STXBP5L: variants seen among roughly 807,000 people sequenced by gnomAD.
The protein encoded by STXBP5L is syntaxin binding protein 5L.
In STXBP5L, 65 loss-of-function variants were observed where a neutral mutation model predicts 144.5. That is an observed-to-expected ratio of 0.45 (90% confidence interval 0.37 to 0.55). The LOEUF is 0.55. Ranked by LOEUF, STXBP5L falls within the 20% of genes least tolerant of loss-of-function variation. STXBP5L has a pLI of 0.00. For synonymous variants in STXBP5L, 505 were observed against 469.6 expected (o/e 1.08, Z -0.97); for missense variants, 1,298 against 1,405.5 (o/e 0.92, Z 1.22).
intron 3 of STXBP5L, among the ~76,000 whole-genome samples, chr3:121,004,251 G>T (rs531196900): frequency 1.3e-5 from 2 of 151,712 alleles, no homozygotes; most frequent in African/African-American, 4.8e-5. Flanking sequence ...AGCTCTCCTT[G>T]AAGAGGTCCT....
chr3:120,976,212 C>G (rs1052320684), intron 3 of STXBP5L, among the ~76,000 whole-genome samples: 2 of 152,180 alleles, frequency 1.3e-5, no homozygotes, highest in African/African-American at 4.8e-5. Flanking sequence ...ATTATTGCCA[C>G]AGTTTCAGAG....
At chr3:121,269,421 G>C (rs1366369316) in intron 18 of STXBP5L, among the ~76,000 whole-genome samples, 2 of 151,840 alleles carry the variant, frequency 1.3e-5, no homozygotes, top group Non-Finnish European at 2.9e-5. Flanking sequence ...ATATGTGTGT[G>C]TGTGTATATA....
chr3:120,963,443 G>A (rs1048684089), intron 3 of STXBP5L, among the ~76,000 whole-genome samples: 1 of 152,092 alleles, frequency 6.6e-6, no homozygotes, highest in African/African-American at 2.4e-5. Flanking sequence ...TGAGATATGT[G>A]CCATCAATAC....
rs527562574 is a variant in STXBP5L at position 121,034,522 on chromosome 3, C to CATCT, written c.288-7158_288-7155dup. On this transcript the variant is annotated intron_variant, in intron 3 of 26. Coordinates refer to ENST00000471454, the MANE Select transcript of STXBP5L (RefSeq NM_001308330.2). Reference sequence around the variant, plus strand: ...TCTCTCTATATAGCTGTACCTATATCATCTATCTATCTATCTATCTATCAT... The same window carrying CATCT: ...TCTCTCTATATAGCTGTACCTATATCATCTATCTATCTATCTATCTATCTATCAT... 1.2e-3 allele frequency among the ~76,000 whole-genome samples: 186 copies of CATCT among 151,626 alleles called. 1 individual carries two copies. Among genetic ancestry groups the CATCT allele is most frequent in the South Asian group, 2.5e-3 (12 of 4,810 alleles).
At chr3:121,378,675 T>A in intron 20 of STXBP5L, 41 bp from the exon 21 acceptor site, 1 of 1,594,636 alleles carries the variant, frequency 6.3e-7, no homozygotes, top group Non-Finnish European at 8.5e-7. Context: ...GTATTAAGAG[T>A]TAATCATTAT....
intron 19 of STXBP5L, among the ~76,000 whole-genome samples, chr3:121,301,529 C>T (rs2051906765): frequency 6.6e-6 from 1 of 152,068 alleles, no homozygotes; most frequent in African/African-American, 2.4e-5. Flanking sequence ...TAATTGAATG[C>T]CCTTTATTTC....
chr3:121,061,250 A>C (rs1223822855), intron 5 of STXBP5L, among the ~76,000 whole-genome samples: 2 of 152,152 alleles, frequency 1.3e-5, no homozygotes, highest in African/African-American at 4.8e-5. Context: ...ACTCAGGAGC[A>C]TGTTGTTCAG....
At chr3:121,202,958 A>C (rs73191431) in intron 9 of STXBP5L, among the ~76,000 whole-genome samples, 21,817 of 151,872 alleles carry the variant, frequency 0.14, 1,754 homozygotes, top group Non-Finnish European at 0.19. Context: ...TATTTTAAAA[A>C]ATGTTTGTAT....
chr3:121,315,857 C>T (rs1262952555), intron 19 of STXBP5L, among the ~76,000 whole-genome samples: 2 of 151,976 alleles, frequency 1.3e-5, no homozygotes, highest in Non-Finnish European at 2.9e-5. Flanking sequence ...TAAAAATTAG[C>T]TGGGCTTGGT....
intron 19 of STXBP5L, among the ~76,000 whole-genome samples, chr3:121,285,924 G>A (rs558896022): frequency 1.8e-4 from 27 of 152,166 alleles, no homozygotes; most frequent in Admixed American, 6.5e-4. Flanking sequence ...ACACCACAGA[G>A]AGGTTAAATA....
intron 3 of STXBP5L, among the ~76,000 whole-genome samples, chr3:120,973,384 T>C (rs1940508709): frequency 6.6e-6 from 1 of 150,908 alleles, no homozygotes; most frequent in South Asian, 2.1e-4. Context: ...TCTCTGGTGA[T>C]TTTTTTTTGC....
At chr3:121,013,399 A>T (rs777682083) in intron 3 of STXBP5L, among the ~76,000 whole-genome samples, 10 of 152,076 alleles carry the variant, frequency 6.6e-5, no homozygotes, top group Non-Finnish European at 1.0e-4. Flanking sequence ...GACTGGTGTG[A>T]GATGGTATCA....
chr3:121,344,736 G>T (rs1374310732), intron 20 of STXBP5L, among the ~76,000 whole-genome samples: 3 of 151,766 alleles, frequency 2.0e-5, no homozygotes, highest in African/African-American at 7.3e-5. Context: ...AATTGGTGGT[G>T]AATTTAGAGC....
intron 10 of STXBP5L, among the ~76,000 whole-genome samples, chr3:121,210,940 T>C (rs1447735595): frequency 6.6e-6 from 1 of 152,190 alleles, no homozygotes; most frequent in Non-Finnish European, 1.5e-5. Flanking sequence ...ATATGAACTT[T>C]AAAGTAGTTT....
intron 3 of STXBP5L, among the ~76,000 whole-genome samples, chr3:121,011,357 A>G (rs1258925672): frequency 6.6e-6 from 1 of 151,428 alleles, no homozygotes; most frequent in Non-Finnish European, 1.5e-5. Flanking sequence ...TGTTGCCAGT[A>G]CCTATTAGAT....
chr3:121,309,114 G>C (rs916140563), intron 19 of STXBP5L, among the ~76,000 whole-genome samples: 1 of 151,840 alleles, frequency 6.6e-6, no homozygotes, highest in African/African-American at 2.4e-5. Flanking sequence ...ACATGAGACA[G>C]AGAAAACCAA....
At chr3:121,391,724 C>T (rs747114126) in intron 22 of STXBP5L, among the ~76,000 whole-genome samples, 1 of 152,212 alleles carries the variant, frequency 6.6e-6, no homozygotes, top group Non-Finnish European at 1.5e-5. Flanking sequence ...AGCTGCAGAA[C>T]AGCAAATATT....
At chr3:121,101,211 G>A (rs541305449) in intron 5 of STXBP5L, among the ~76,000 whole-genome samples, 8 of 151,878 alleles carry the variant, frequency 5.3e-5, no homozygotes, top group Non-Finnish European at 1.0e-4. Context: ...CAAAATTCAG[G>A]GAAGAGGGAC....
chr3:121,408,813 A>G (rs2047053885), intron 23 of STXBP5L, among the ~76,000 whole-genome samples: 1 of 151,930 alleles, frequency 6.6e-6, no homozygotes, highest in Non-Finnish European at 1.5e-5. Flanking sequence ...AAACAGGTGT[A>G]AGGGAAACTT....
Sources: allele counts gnomAD v4.1 joint callset (sites outside exome capture counted in the v4.1 genomes callset), GRCh38; gene constraint gnomAD v4.1.1; transcripts MANE v1.5; gene names NCBI Gene and HGNC (gene_info 2026-07-23, HGNC 2026-07-21).